The following FMN2 variants were observed in gnomAD, a reference collection of about 807,000 sequenced individuals.
The protein encoded by FMN2 is formin 2, also known as formin-2.
Under a neutral mutation model 142.3 loss-of-function variants are expected in FMN2, and 51 were observed. That is an observed-to-expected ratio of 0.36 (90% CI 0.29 to 0.45). The LOEUF is 0.45. Among genes scored for constraint, FMN2 ranks in the 20% least tolerant of loss-of-function variants. The probability of loss-of-function intolerance (pLI) is 1.00; values close to 1 mark genes in which losing one functional copy is unlikely to be tolerated. For missense variants in FMN2, 1,936 were observed against 2,122.8 expected (o/e 0.91, Z 1.73); for synonymous variants, 882 against 869.8 (o/e 1.01, Z -0.25).
intron 8 of FMN2, among the ~76,000 whole-genome samples, chr1:240,310,512 A>C (rs868630944): frequency 6.6e-6 from 1 of 152,244 alleles, no homozygotes; most frequent in South Asian, 2.1e-4. Flanking sequence ...ATTCCTGTTT[A>C]CTGAGGAATT....
rs116724015 is a variant in FMN2, at chr1:240,152,118, T to C, written c.1783-25803T>C. Among the ~76,000 whole-genome samples, 934 of 152,210 alleles carry C rather than the reference T, an allele frequency of 6.1e-3. 16 individuals are homozygous for C. The highest frequency in any genetic ancestry group is 0.022 in the African/African-American group (897 of 41,528). On this transcript the variant is annotated intron_variant, in intron 2 of 17. Transcript: ENST00000319653. ...GTCACTGTTCTAAATTAAACCCTGC[T>C]ATCAGCACTTTTCATATTCCCTTTT... is the stretch of plus-strand genomic sequence containing the variant.
intron 2 of FMN2, among the ~76,000 whole-genome samples, chr1:240,160,904 T>A (rs925941917): frequency 5.3e-5 from 8 of 152,184 alleles, no homozygotes; most frequent in Non-Finnish European, 1.0e-4. Flanking sequence ...AAAATCAATA[T>A]GTAAAACCAA....
At chr1:240,361,353 G>A (rs976825264) in intron 14 of FMN2, among the ~76,000 whole-genome samples, 1 of 151,774 alleles carries the variant, frequency 6.6e-6, no homozygotes, top group Non-Finnish European at 1.5e-5. Context: ...CTCTTGGGGA[G>A]CAACAGTTTC....
intron 16 of FMN2, among the ~76,000 whole-genome samples, chr1:240,468,638 A>G (rs1676712642): frequency 6.6e-6 from 1 of 152,170 alleles, no homozygotes; most frequent in Admixed American, 6.5e-5. Flanking sequence ...CTTTTCACTA[A>G]AAGCCTTTCA....
chr1:240,406,168 G>T (rs745329960), intron 15 of FMN2, among the ~76,000 whole-genome samples: 1 of 61,570 alleles, frequency 1.6e-5, no homozygotes, highest in Non-Finnish European at 2.9e-5. Context: ...CCTCGGGAGT[G>T]GGGGGAGCGA....
chr1:240,165,729 A>T (rs938139051), intron 2 of FMN2, among the ~76,000 whole-genome samples: 1 of 151,986 alleles, frequency 6.6e-6, no homozygotes, highest in Non-Finnish European at 1.5e-5. Context: ...CTGGGGCACT[A>T]ATATTCCAAG....
At chr1:240,339,025 A>G (rs1671660339) in intron 13 of FMN2, among the ~76,000 whole-genome samples, 1 of 152,144 alleles carries the variant, frequency 6.6e-6, no homozygotes, top group Admixed American at 6.5e-5. Flanking sequence ...ATGAGAGTCT[A>G]ATGCTGCAGC....
At chr1:240,247,662 G>A (rs1384270993) in intron 6 of FMN2, among the ~76,000 whole-genome samples, 1 of 152,104 alleles carries the variant, frequency 6.6e-6, no homozygotes, top group East Asian at 1.9e-4. Context: ...TTGGGTATCA[G>A]TTTGGAGAAT....
intron 14 of FMN2, among the ~76,000 whole-genome samples, chr1:240,379,153 G>C (rs977985599): frequency 2.0e-5 from 3 of 152,128 alleles, no homozygotes; most frequent in Non-Finnish European, 4.4e-5. Flanking sequence ...GCTTTGCTTA[G>C]GCTAGTCTGG....
chr1:240,202,501 T>C (rs1450639943), intron 4 of FMN2, among the ~76,000 whole-genome samples: 2 of 152,166 alleles, frequency 1.3e-5, no homozygotes, highest in African/African-American at 2.4e-5. Flanking sequence ...TTACTATTGT[T>C]GTTTTTTATA....
At chr1:240,154,114 A>AC (rs1240735797) in intron 2 of FMN2, among the ~76,000 whole-genome samples, 1 of 143,966 alleles carries the variant, frequency 6.9e-6, no homozygotes, top group African/African-American at 2.5e-5. Context: ...CATCAAAAAA[A>AC]AAAAAAAAAA....
chr1:240,395,082 C>A (rs561469095), intron 15 of FMN2, among the ~76,000 whole-genome samples: 14 of 152,288 alleles, frequency 9.2e-5, no homozygotes, highest in African/African-American at 3.4e-4. Flanking sequence ...TGCACATTCA[C>A]CATTCTGAAA....
At chr1:240,204,133 C>CTT (rs559548915) in intron 4 of FMN2, among the ~76,000 whole-genome samples, 2 of 148,324 alleles carry the variant, frequency 1.3e-5, no homozygotes, top group African/African-American at 4.9e-5. Flanking sequence ...AGGGCTACTT[C>CTT]TTTTTTTTTT....
At chr1:240,305,464 C>G (rs1380832827) in intron 8 of FMN2, among the ~76,000 whole-genome samples, 1 of 152,124 alleles carries the variant, frequency 6.6e-6, no homozygotes, top group African/African-American at 2.4e-5. Flanking sequence ...GTTGCATAAT[C>G]AAACAGGTTA....
At chr1:240,206,462 C>T (rs542374857) in intron 4 of FMN2, among the ~76,000 whole-genome samples, 1 of 152,174 alleles carries the variant, frequency 6.6e-6, no homozygotes, top group East Asian at 1.9e-4. Flanking sequence ...ATCCTAAAAA[C>T]CAGTGTTCCT....
intron 15 of FMN2, among the ~76,000 whole-genome samples, chr1:240,406,363 G>A (rs1174942058): frequency 3.4e-5 from 5 of 148,394 alleles, no homozygotes; most frequent in African/African-American, 1.2e-4. Context: ...TGGGGGGAGC[G>A]AAGGGAAGCA....
intron 13 of FMN2, among the ~76,000 whole-genome samples, chr1:240,341,044 C>A (rs967037451): frequency 1.3e-5 from 2 of 152,124 alleles, no homozygotes; most frequent in Non-Finnish European, 2.9e-5. Context: ...TTTAAAATCA[C>A]CTTCCACCTT....
chr1:240,455,581 G>A (rs1255978971), intron 16 of FMN2, among the ~76,000 whole-genome samples: 1 of 152,180 alleles, frequency 6.6e-6, no homozygotes, highest in African/African-American at 2.4e-5. Flanking sequence ...AGGAGGCTGA[G>A]GTGGGAGGAT....
intron 8 of FMN2, among the ~76,000 whole-genome samples, chr1:240,301,346 T>G (rs896093090): frequency 6.6e-6 from 1 of 151,866 alleles, no homozygotes; most frequent in African/African-American, 2.4e-5. Context: ...TAACTTATTT[T>G]GTTGTGACGT....
Sources: allele counts gnomAD v4.1 joint callset (sites outside exome capture counted in the v4.1 genomes callset), GRCh38; gene constraint gnomAD v4.1.1; transcripts MANE v1.5; gene names NCBI Gene and HGNC (gene_info 2026-07-23, HGNC 2026-07-21).